Variants in ADGRV1 observed in about 807,000 individuals in gnomAD.
ADGRV1 encodes G-protein coupled receptor 98.
A neutral mutation model predicts 596.2 loss-of-function variants in ADGRV1; 359 were observed. The observed-to-expected ratio is 0.60, with a 90% confidence interval of 0.55 to 0.66. ADGRV1 has a LOEUF of 0.66. Among genes scored for constraint, ADGRV1 ranks in the 30% least tolerant of loss-of-function variants. The pLI is 0.00. For missense variants in ADGRV1, 7,274 were observed against 7,575.6 expected (o/e 0.96, Z 1.48); for synonymous variants, 2,681 against 2,679.2 (o/e 1.00, Z -0.02).
chr5:91,076,672 A>G (rs1403966407), intron 86 of ADGRV1, among the ~76,000 whole-genome samples: 2 of 152,084 alleles, frequency 1.3e-5, no homozygotes, highest in East Asian at 1.9e-4. Flanking sequence ...TATTATTATT[A>G]GGACTATTTT....
chr5:90,895,431 C>T (rs187794375), intron 83 of ADGRV1, among the ~76,000 whole-genome samples: 6 of 152,204 alleles, frequency 3.9e-5, no homozygotes, highest in African/African-American at 1.4e-4. Context: ...AAGACAATAA[C>T]AGTCTTGACA....
At chr5:90,643,668 C>T in intron 13 of ADGRV1, 135 bp from the exon 14 acceptor site, 6 of 552,992 alleles carry the variant, frequency 1.1e-5, no homozygotes, top group South Asian at 3.9e-5. Flanking sequence ...GAAATGATAC[C>T]ACCTCTTTTG....
At chr5:90,956,108 T>C (rs1354250771) in intron 83 of ADGRV1, among the ~76,000 whole-genome samples, 2 of 152,172 alleles carry the variant, frequency 1.3e-5, no homozygotes, top group Admixed American at 1.3e-4. Context: ...TATGTATGCT[T>C]ATCTAAGTCC....
At chr5:91,059,610 AAT>A (rs1381308723) in intron 85 of ADGRV1, among the ~76,000 whole-genome samples, 1 of 152,226 alleles carries the variant, frequency 6.6e-6, no homozygotes, top group Non-Finnish European at 1.5e-5. Context: ...TGTATGATCT[AAT>A]TCTTACCACT....
intron 87 of ADGRV1, among the ~76,000 whole-genome samples, chr5:91,149,775 T>A (rs1484454402): frequency 7.6e-6 from 1 of 131,224 alleles, no homozygotes. Context: ...AGAAGTGCAG[T>A]GAGCCAAGAT....
intron 45 of ADGRV1, 127 bp from the exon 46 acceptor site, chr5:90,724,705 C>T (rs1023896229): frequency 6.4e-6 from 5 of 779,902 alleles, no homozygotes; most frequent in Non-Finnish European, 1.1e-5. Flanking sequence ...CACACTCATA[C>T]ACACGTCATG....
At chr5:90,849,999 A>G (rs2150393102) in intron 79 of ADGRV1, among the ~76,000 whole-genome samples, 1 of 152,224 alleles carries the variant, frequency 6.6e-6, no homozygotes, top group Middle Eastern at 3.4e-3. Context: ...TAATACCCCT[A>G]TTTACAGATG....
chr5:91,081,735 A>C (rs145695446), intron 86 of ADGRV1, among the ~76,000 whole-genome samples: 3,575 of 152,268 alleles, frequency 0.023, 124 homozygotes, highest in African/African-American at 0.081. Flanking sequence ...GCAGTGAGCC[A>C]AGATCATGCC....
intron 86 of ADGRV1, 25 bp from the exon 87 acceptor site, chr5:91,102,194 A>G: frequency 6.3e-7 from 1 of 1,590,778 alleles, no homozygotes; most frequent in Non-Finnish European, 8.6e-7. Context: ...CTGAAGCTCA[A>G]AAATTCTTTT....
At chr5:90,983,442 C>T (rs184764053) in intron 84 of ADGRV1, among the ~76,000 whole-genome samples, 1 of 152,202 alleles carries the variant, frequency 6.6e-6, no homozygotes, top group Admixed American at 6.6e-5. Flanking sequence ...TCCTCCTTGA[C>T]TCTTCCACCT....
At chr5:90,924,301 T>C (rs1774191908) in intron 83 of ADGRV1, among the ~76,000 whole-genome samples, 1 of 150,790 alleles carries the variant, frequency 6.6e-6, no homozygotes, top group Non-Finnish European at 1.5e-5. Context: ...TGTTGTTTCC[T>C]GACTTTTTAA....
Position 90,965,475 on chromosome 5 carries a change from A to G in ADGRV1, c.17917A>G (p.Met5973Val), listed in dbSNP as rs776975827. ...PQLAEESCSA[M>V]AAVTHYLYLC... Reference sequence around the variant, plus strand: ...ACTCGCTGAGGAGAGCTGTTCAGCTATGGCTGCTGTCACACATTACCTGTA... The same window carrying G: ...ACTCGCTGAGGAGAGCTGTTCAGCTGTGGCTGCTGTCACACATTACCTGTA... The change falls in exon 84 of 90, where the codon ATG becomes GTG. Residue 5973 changes from methionine to valine, a missense_variant. Met to Val is a conservative substitution (Grantham distance 21, BLOSUM62 1). This residue lies in a region of ADGRV1 where 1,874 missense variants were observed against 1,970.2 expected (regional missense o/e 0.95). Coordinates refer to ENST00000405460, the MANE Select transcript of ADGRV1 (RefSeq NM_032119.4). 24 of 1,613,840 alleles carry G rather than the reference A, an allele frequency of 1.5e-5. No homozygotes were observed. In the East Asian group the frequency reaches 4.9e-4, roughly 33 times the overall value.
intron 28 of ADGRV1, among the ~76,000 whole-genome samples, chr5:90,685,053 G>A (rs1012418924): frequency 6.6e-6 from 1 of 152,142 alleles, no homozygotes; most frequent in Non-Finnish European, 1.5e-5. Flanking sequence ...GTAATATTAT[G>A]TAAAGTGATG....
At chr5:90,976,322 G>GTATA (rs70973719) in intron 84 of ADGRV1, among the ~76,000 whole-genome samples, 2,816 of 108,488 alleles carry the variant, frequency 0.026, 48 homozygotes, top group East Asian at 0.09. Context: ...GTGTGTGTGT[G>GTATA]TATATATATA....
At chr5:90,907,514 CCTT>C (rs1341660265) in intron 83 of ADGRV1, among the ~76,000 whole-genome samples, 3 of 152,050 alleles carry the variant, frequency 2.0e-5, no homozygotes, top group East Asian at 1.9e-4. Flanking sequence ...CTTTCTCACA[CCTT>C]CTTCCTGCCC....
chr5:90,686,363 G>A (rs897235364), intron 29 of ADGRV1, among the ~76,000 whole-genome samples: 2 of 151,656 alleles, frequency 1.3e-5, no homozygotes, highest in African/African-American at 2.4e-5. Context: ...ATCCCTCCCC[G>A]CTCCCCACAC....
intron 17 of ADGRV1, among the ~76,000 whole-genome samples, chr5:90,649,209 A>T (rs1768240414): frequency 6.6e-6 from 1 of 152,046 alleles, no homozygotes; most frequent in African/African-American, 2.4e-5. Context: ...TCACCATGTT[A>T]GCCAGGATGG....
chr5:90,989,531 T>A (rs954806153), intron 85 of ADGRV1, among the ~76,000 whole-genome samples: 2 of 152,104 alleles, frequency 1.3e-5, no homozygotes, highest in African/African-American at 2.4e-5. Flanking sequence ...TCAGTTCAGC[T>A]TCTGTCTTCT....
chr5:90,847,075 A>G (rs1765958969), intron 78 of ADGRV1, among the ~76,000 whole-genome samples: 2 of 152,092 alleles, frequency 1.3e-5, no homozygotes, highest in African/African-American at 4.8e-5. Flanking sequence ...TGCCTTCACA[A>G]TCCCTTAGCT....
Sources: gnomAD v4.1 joint callset for allele counts (sites outside exome capture counted in the v4.1 genomes callset) on GRCh38, gnomAD v4.1.1 for gene constraint, gnomAD v4.1.1 regional missense constraint, MANE v1.5 for transcripts, NCBI Gene and HGNC (gene_info 2026-07-23, HGNC 2026-07-21) for gene names.